The following NUBPL variants were observed in gnomAD, a reference collection of about 807,000 sequenced individuals.
The protein encoded by NUBPL is iron-sulfur cluster transfer protein NUBPL.
Under a neutral mutation model 45.7 loss-of-function variants are expected in NUBPL, and 31 were observed. The observed-to-expected ratio is 0.68, with a 90% CI of 0.51 to 0.92. The LOEUF is 0.92. NUBPL is among the 40% of genes least tolerant of loss of function. The pLI is 0.00. For missense variants in NUBPL, 401 were observed against 398.7 expected (o/e 1.01, Z -0.05); for synonymous variants, 144 against 140.9 (o/e 1.02, Z -0.15).
chr14:31,613,518 C>A (rs575506288), intron 4 of NUBPL, among the ~76,000 whole-genome samples: 1 of 151,530 alleles, frequency 6.6e-6, no homozygotes, highest in Non-Finnish European at 1.5e-5. Flanking sequence ...GTGGTGCGAT[C>A]TCAGGTCACA....
intron 7 of NUBPL, among the ~76,000 whole-genome samples, chr14:31,788,171 G>C (rs1330322028): frequency 1.3e-5 from 2 of 152,168 alleles, no homozygotes; most frequent in African/African-American, 4.8e-5. Flanking sequence ...ATTGAAGAAA[G>C]TACATGCCAA....
At chr14:31,745,893 A>T (rs1216894380) in intron 6 of NUBPL, among the ~76,000 whole-genome samples, 1 of 151,968 alleles carries the variant, frequency 6.6e-6, no homozygotes, top group African/African-American at 2.4e-5. Flanking sequence ...AAGTGTTTTT[A>T]CAAGGCCACA....
intron 7 of NUBPL, among the ~76,000 whole-genome samples, chr14:31,798,116 A>G (rs2039500036): frequency 6.7e-6 from 1 of 149,178 alleles, no homozygotes; most frequent in Non-Finnish European, 1.5e-5. Flanking sequence ...TGTTAGTCTG[A>G]TGTTGTGCCC....
chr14:31,810,236 T>C (rs1431910726), intron 7 of NUBPL, among the ~76,000 whole-genome samples: 1 of 152,166 alleles, frequency 6.6e-6, no homozygotes, highest in Non-Finnish European at 1.5e-5. Flanking sequence ...CTCCCATTAT[T>C]ATTGTGTGGG....
At chr14:31,715,081 C>G (rs2037658520) in intron 6 of NUBPL, among the ~76,000 whole-genome samples, 1 of 152,200 alleles carries the variant, frequency 6.6e-6, no homozygotes, top group Non-Finnish European at 1.5e-5. Context: ...ATGCTTTAGT[C>G]AGGGTTGGGT....
chr14:31,597,643 C>A (rs1202575797), intron 3 of NUBPL, among the ~76,000 whole-genome samples: 2 of 151,982 alleles, frequency 1.3e-5, no homozygotes, highest in East Asian at 3.8e-4. Flanking sequence ...GGACCTAACC[C>A]CCTTCATGTT....
rs565526989 is a variant in NUBPL, at chr14:31,604,202, T to C, written c.382+4823T>C. Among the ~76,000 whole-genome samples the C allele has an allele frequency of 2.1e-3, 313 of 150,992 alleles. 1 individual carries two copies. The highest frequency in any genetic ancestry group is 7.2e-3 in the African/African-American group (298 of 41,364). On this transcript the variant is annotated intron_variant, in intron 4 of 10. Transcript: ENST00000281081. ...CTGAAAAAAAAAAAAAAAAACACTTTCTCTGTTGACAGGCTGATCTTAAGT... is the reference window on the plus strand; with the variant it reads ...CTGAAAAAAAAAAAAAAAAACACTTCCTCTGTTGACAGGCTGATCTTAAGT...
chr14:31,571,630 TG>T (rs2033588168), intron 3 of NUBPL, among the ~76,000 whole-genome samples: 1 of 152,026 alleles, frequency 6.6e-6, no homozygotes, highest in African/African-American at 2.4e-5. Context: ...TTGAATTTTT[TG>T]TAGAGACGGG....
intron 6 of NUBPL, among the ~76,000 whole-genome samples, chr14:31,742,769 A>ATTTT (rs34130229): frequency 7.3e-6 from 1 of 136,384 alleles, no homozygotes; most frequent in Non-Finnish European, 1.6e-5. Flanking sequence ...AACCCAGCTG[A>ATTTT]TTTTTTTTTT....
chr14:31,846,513 A>G lies in NUBPL; in HGVS notation c.736A>G (p.Lys246Glu). 6.2e-7 allele frequency: 1 copy of G among 1,613,306 alleles called. No individual in the cohort carries two copies. The highest frequency in any genetic ancestry group is 1.1e-5 in the South Asian group (1 of 90,830). Residue 246 changes from lysine (K) to glutamate (E), a missense_variant, in exon 9 of 11, where the codon AAA (lysine) becomes GAA (glutamate). Transcript: ENST00000281081. ...AAACATGAGTGTTTTCCAGTGTCCA[A>G]AATGTAAACACAAAACTCATATTTT... The part of the protein sequence containing the change: ...VQNMSVFQCP[K>E]CKHKTHIFGA...
intron 6 of NUBPL, among the ~76,000 whole-genome samples, chr14:31,674,926 GGA>G (rs2036657293): frequency 6.6e-6 from 1 of 152,136 alleles, no homozygotes; most frequent in Non-Finnish European, 1.5e-5. Flanking sequence ...CACGAGGTCA[GGA>G]GATCGAGACC....
chr14:31,721,281 C>T (rs2037802576), intron 6 of NUBPL, among the ~76,000 whole-genome samples: 1 of 151,936 alleles, frequency 6.6e-6, no homozygotes, highest in African/African-American at 2.4e-5. Flanking sequence ...AGTATGTTTG[C>T]CTTATAGAAT....
chr14:31,826,482 T>G, intron 7 of NUBPL, 147 bp from the exon 8 acceptor site: 1 of 739,744 alleles, frequency 1.4e-6, no homozygotes, highest in Non-Finnish European at 2.3e-6. Flanking sequence ...CATTTTCTTG[T>G]CTTTCTCATT....
In NUBPL at chr14:31,820,248, C is replaced by G. The variant is rs539225122; in HGVS notation, c.608-6381C>G. 2.4e-4 allele frequency among the ~76,000 whole-genome samples: 37 copies of G among 151,880 alleles called. No homozygotes were observed. The East Asian group carries it at 6.4e-3, about 26-fold the overall frequency. On this transcript the variant is annotated intron_variant, in intron 7 of 10. Coordinates refer to ENST00000281081, the MANE Select transcript of NUBPL (RefSeq NM_025152.3). ...ATAATTCAATTTATTGCAAACTAAA[C>G]TTCATTTTTTGCTGCTGTTGACACT... is the stretch of plus-strand genomic sequence containing the variant.
intron 4 of NUBPL, among the ~76,000 whole-genome samples, chr14:31,658,329 C>G (rs1157047944): frequency 6.6e-6 from 1 of 152,050 alleles, no homozygotes; most frequent in Non-Finnish European, 1.5e-5. Context: ...TAACTTTGGG[C>G]AGGTTAGTTT....
At chr14:31,829,492 AT>A (rs2040156755) in intron 8 of NUBPL, among the ~76,000 whole-genome samples, 1 of 152,166 alleles carries the variant, frequency 6.6e-6, no homozygotes, top group Admixed American at 6.5e-5. Context: ...TGGGAAGTGG[AT>A]TTGTTGACCT....
At chr14:31,696,952 G>A (rs567611172) in intron 6 of NUBPL, among the ~76,000 whole-genome samples, 5 of 152,294 alleles carry the variant, frequency 3.3e-5, no homozygotes, top group African/African-American at 1.2e-4. Flanking sequence ...AAGAGAACAG[G>A]AAAGGAAGTA....
chr14:31,744,016 G>T (rs1481721679), intron 6 of NUBPL, among the ~76,000 whole-genome samples: 5 of 152,080 alleles, frequency 3.3e-5, no homozygotes, highest in African/African-American at 1.2e-4. Context: ...GATGAATGCT[G>T]AAGAAAGTGT....
In NUBPL at chr14:31,776,891, A is replaced by C. The variant is rs552074883; in HGVS notation, c.514-10889A>C. Among the ~76,000 whole-genome samples the C allele has an allele frequency of 1.5e-4, 23 of 152,366 alleles. 1 individual carries two copies. In the South Asian group the frequency reaches 4.3e-3, roughly 29 times the overall value. ...ATTATGTTTCAGAAGAAGTTACTTC[A>C]ACCCAGTTCTAGGACAAAGGAATAA... On this transcript the variant is annotated intron_variant, in intron 6 of 10. Coordinates refer to ENST00000281081, the MANE Select transcript of NUBPL (RefSeq NM_025152.3).
Sources: allele counts gnomAD v4.1 joint callset (sites outside exome capture counted in the v4.1 genomes callset), GRCh38; gene constraint gnomAD v4.1.1; transcripts MANE v1.5; gene names NCBI Gene and HGNC (gene_info 2026-07-23, HGNC 2026-07-21).